RNF6: variants seen among roughly 807,000 people sequenced by gnomAD.
RNF6 encodes the protein E3 ubiquitin-protein ligase RNF6.
A neutral mutation model predicts 50.1 loss-of-function variants in RNF6; 21 were observed. That is an observed-to-expected ratio of 0.42 (90% CI 0.30 to 0.60). The LOEUF (loss-of-function observed/expected upper bound fraction) is 0.60, where lower values mean the gene tolerates loss of function less well. Ranked by LOEUF, RNF6 falls within the 20% of genes least tolerant of loss-of-function variation. The probability of loss-of-function intolerance (pLI) is 0.20; values close to 1 mark genes in which losing one functional copy is unlikely to be tolerated. For missense variants in RNF6, 698 were observed against 838.2 expected (o/e 0.83, Z 2.07); for synonymous variants, 255 against 291.8 (o/e 0.87, Z 1.29).
intron 5 of RNF6, among the ~76,000 whole-genome samples, chr13:26,181,202 A>G (rs1313259568): frequency 1.3e-5 from 2 of 152,182 alleles, no homozygotes; most frequent in African/African-American, 4.8e-5. Flanking sequence ...CACCAGGGAA[A>G]GCATGGCTTC....
chr13:26,197,559 G>A (rs563772558), intron 5 of RNF6, among the ~76,000 whole-genome samples: 2 of 152,004 alleles, frequency 1.3e-5, no homozygotes, highest in East Asian at 3.9e-4. Context: ...TCACTTTCCT[G>A]ACACTGCTCA....
chr13:26,174,582 G>C (rs1399488860), intron 5 of RNF6, among the ~76,000 whole-genome samples: 1 of 151,864 alleles, frequency 6.6e-6, no homozygotes, highest in Non-Finnish European at 1.5e-5. Context: ...AGAATCACTT[G>C]AATCCGGGAG....
chr13:26,181,612 G>A (rs2137659379), intron 5 of RNF6, among the ~76,000 whole-genome samples: 1 of 152,320 alleles, frequency 6.6e-6, no homozygotes, highest in Non-Finnish European at 1.5e-5. Context: ...AGTAAACCAA[G>A]CTATACCATT....
intron 5 of RNF6, among the ~76,000 whole-genome samples, chr13:26,164,326 G>T (rs551869986): frequency 2.6e-5 from 4 of 152,184 alleles, no homozygotes; most frequent in African/African-American, 9.6e-5. Flanking sequence ...CCTGTAATTT[G>T]TGTTTCTGAA....
At chr13:26,155,416 T>A (rs532669244) in intron 5 of RNF6, among the ~76,000 whole-genome samples, 66 of 152,142 alleles carry the variant, frequency 4.3e-4, no homozygotes, top group African/African-American at 1.5e-3. Context: ...TCAGAAAGAC[T>A]AAAATCAAAA....
At chr13:26,145,498 G>A (rs1871184679) in intron 5 of RNF6, among the ~76,000 whole-genome samples, 1 of 151,428 alleles carries the variant, frequency 6.6e-6, no homozygotes, top group South Asian at 2.1e-4. Context: ...GTTCTCCTGA[G>A]ATCTGCTTGT....
chr13:26,219,554 C>T lies in RNF6; in HGVS notation c.96G>A (p.Glu32=). ...AATAGGCCTCTTCTCTGTGGAGACG[C>T]TCTTGCTGCCATCTTCTCTCATTTT... ...HHENERRWQQ[E]RLHREEAYYQ... is the part of the protein sequence containing the mutation. The change falls in exon 3 of 5, where the codon GAG becomes GAA. Residue 32 remains glutamate (E), a synonymous_variant. Transcript: ENST00000381588. 1 of 1,614,032 alleles carries T rather than the reference C, an allele frequency of 6.2e-7. No homozygotes were observed. The highest frequency in any genetic ancestry group is 8.5e-7 in the Non-Finnish European group (1 of 1,179,956).
At chr13:26,176,938 A>C (rs74886408) in intron 5 of RNF6, among the ~76,000 whole-genome samples, 5,365 of 152,284 alleles carry the variant, frequency 0.035, 150 homozygotes, top group African/African-American at 0.072. Context: ...GGTCTCAAAA[A>C]AACAAACTAA....
chr13:26,170,915 T>A (rs990806619), intron 5 of RNF6, among the ~76,000 whole-genome samples: 3 of 152,096 alleles, frequency 2.0e-5, no homozygotes, highest in African/African-American at 7.2e-5. Flanking sequence ...AAATAACTCA[T>A]AACAAATCAA....
chr13:26,144,662 C>A lies in RNF6; in HGVS notation n.769-12211G>T, dbSNP rs117532564. 3.1e-3 allele frequency among the ~76,000 whole-genome samples: 469 copies of A among 152,346 alleles called. 3 individuals are homozygous for A. Among genetic ancestry groups the A allele is most frequent in the Non-Finnish European group, 3.9e-3 (262 of 68,036 alleles). ...GAAAGGGGATGTAGTGCTGCAGCTG[C>A]ACACATTCAGGTATTGTCTCCATAT... On this transcript the variant is annotated intron_variant and non_coding_transcript_variant, in intron 5 of 5. Transcript: ENST00000468480.
rs539780247 is a variant in RNF6, at chr13:26,215,803, C to T, written c.290-211G>A. 2.0e-5 allele frequency among the ~76,000 whole-genome samples: 3 copies of T among 152,278 alleles called. No homozygotes were observed. In the East Asian group the frequency reaches 5.8e-4, roughly 29 times the overall value. On this transcript the variant is annotated intron_variant, in intron 4 of 4. Coordinates refer to ENST00000381588, the MANE Select transcript of RNF6 (RefSeq NM_005977.4). ...AATTAAATTACTATTTACATAGTTA[C>T]AAAGCTTTAAATACTATTTATGCAA...
exon 6 of RNF6, chr13:26,132,193 G>T (rs1268930374): frequency 4.2e-6 from 1 of 237,152 alleles, no homozygotes; most frequent in Admixed American, 5.2e-5. Context: ...GATGCTTCAG[G>T]GTATTTCAAA....
chr13:26,175,692 C>G (rs759532651), intron 5 of RNF6, among the ~76,000 whole-genome samples: 2 of 152,068 alleles, frequency 1.3e-5, no homozygotes, highest in Non-Finnish European at 2.9e-5. Context: ...GACAGGGATC[C>G]AAGAGGGAGT....
chr13:26,214,540 A>C lies in RNF6; in HGVS notation c.1342T>G (p.Leu448Val), dbSNP rs1442948450. 1.9e-6 allele frequency: 3 copies of C among 1,614,054 alleles called. No homozygotes were observed. The highest frequency in any genetic ancestry group is 1.7e-6 in the Non-Finnish European group (2 of 1,180,046). Residue 448 changes from leucine to valine, a missense_variant, in exon 5 of 5, where the codon TTA (leucine) becomes GTA (valine). Transcript: ENST00000381588. ...TAGGTTCGAATACCTGACCGCTCTA[A>C]ACGAGAAATGGTTCGGCGAAAGCCC... ...SGGFRRTISR[L>V]ERSGIRTYVS... is the part of the protein sequence containing the mutation.
At chr13:26,134,500 G>GT (rs911891475) in intron 5 of RNF6, among the ~76,000 whole-genome samples, 6 of 151,758 alleles carry the variant, frequency 4.0e-5, no homozygotes, top group African/African-American at 9.7e-5. Context: ...GGTTTTTTGA[G>GT]TTTTTTTGTC....
At chr13:26,165,857 G>T (rs1872427379) in intron 5 of RNF6, among the ~76,000 whole-genome samples, 1 of 152,202 alleles carries the variant, frequency 6.6e-6, no homozygotes, top group Non-Finnish European at 1.5e-5. Flanking sequence ...GGAGGGACTT[G>T]CCTTGTCTCA....
downstream of RNF6, among the ~76,000 whole-genome samples, chr13:26,212,274 CA>C (rs1869359243): frequency 6.6e-6 from 1 of 152,188 alleles, no homozygotes; most frequent in Non-Finnish European, 1.5e-5. Context: ...GAAAAGCCTT[CA>C]AATCTGATTG....
intron 5 of RNF6, among the ~76,000 whole-genome samples, chr13:26,178,895 C>CTG (rs1873102060): frequency 6.6e-6 from 1 of 152,112 alleles, no homozygotes; most frequent in Admixed American, 6.6e-5. Context: ...GTTTGTTTTT[C>CTG]TGTGTCTGAC....
chr13:26,193,679 G>C (rs1213596416), intron 5 of RNF6, among the ~76,000 whole-genome samples: 1 of 152,104 alleles, frequency 6.6e-6, no homozygotes, highest in African/African-American at 2.4e-5. Flanking sequence ...TCAAGAGAGA[G>C]TTTTTAAAAT....
Sources: allele counts gnomAD v4.1 joint callset (sites outside exome capture counted in the v4.1 genomes callset), GRCh38; gene constraint gnomAD v4.1.1; transcripts MANE v1.5; gene names NCBI Gene and HGNC (gene_info 2026-07-23, HGNC 2026-07-21).